Variants in TMX1 observed in about 807,000 individuals in gnomAD.
The protein encoded by TMX1 is thioredoxin related transmembrane protein 1, also known as thioredoxin-related transmembrane protein 1.
In TMX1, 25 loss-of-function variants were observed where a neutral mutation model predicts 36.6. That is an observed-to-expected ratio of 0.68 (90% confidence interval 0.50 to 0.95). The LOEUF is 0.95. Ranked by LOEUF, TMX1 falls within the 40% of genes least tolerant of loss-of-function variation. The probability of loss-of-function intolerance (pLI) is 0.00; values close to 1 mark genes in which losing one functional copy is unlikely to be tolerated. For missense variants in TMX1, 347 were observed against 339.6 expected (o/e 1.02, Z -0.17); for synonymous variants, 133 against 118.0 (o/e 1.13, Z -0.82).
chr14:51,243,363 C>T (rs2065770895), intron 1 of TMX1, among the ~76,000 whole-genome samples: 1 of 152,160 alleles, frequency 6.6e-6, no homozygotes, highest in African/African-American at 2.4e-5. Flanking sequence ...ATATGAATAG[C>T]CAGCCTTAGT....
intron 4 of TMX1, among the ~76,000 whole-genome samples, chr14:51,248,061 A>G (rs2065794858): frequency 6.6e-6 from 1 of 152,246 alleles, no homozygotes; most frequent in African/African-American, 2.4e-5. Flanking sequence ...TTATATGAAT[A>G]GTGTGTATAA....
intron 7 of TMX1, among the ~76,000 whole-genome samples, chr14:51,252,246 TATG>T (rs2065817438): frequency 9.1e-6 from 1 of 109,972 alleles, no homozygotes; most frequent in Non-Finnish European, 2.3e-5. Context: ...TGTCCTCTAT[TATG>T]ATCCACAGTA....
rs1170050641 is a variant in TMX1 at position 51,257,012 on chromosome 14, G to A, written c.*2493G>A. ...CTTGTTGCCCAGGCTGGAGTGCAATGGCATGATCTTGGCTCACTGCAACCT... is the reference window on the plus strand; with the variant it reads ...CTTGTTGCCCAGGCTGGAGTGCAATAGCATGATCTTGGCTCACTGCAACCT... On this transcript the variant is annotated 3_prime_UTR_variant, in exon 8 of 8. Transcript: ENST00000457354. 1 of 149,746 alleles carries A rather than the reference G, an allele frequency of 6.7e-6. No individual in the cohort carries two copies. The highest frequency in any genetic ancestry group is 1.5e-5 in the Non-Finnish European group (1 of 67,706). The allele number at this position is 149,746 out of a possible 1,614,324, so 9.3% of individuals were successfully genotyped here.
At chr14:51,247,605 C>T (rs891645188) in intron 4 of TMX1, among the ~76,000 whole-genome samples, 1 of 152,134 alleles carries the variant, frequency 6.6e-6, no homozygotes, top group East Asian at 1.9e-4. Flanking sequence ...GATTTGCCCA[C>T]CTCGGCCTCC....
At chr14:51,247,508 C>T (rs988709469) in intron 4 of TMX1, among the ~76,000 whole-genome samples, 2 of 151,624 alleles carry the variant, frequency 1.3e-5, no homozygotes, top group Admixed American at 1.3e-4. Flanking sequence ...AGGTGCCCAC[C>T]GCCACACGTG....
rs1476552770 is a variant in TMX1 at position 51,255,314 on chromosome 14, G to C, written c.*795G>C. 1 of 151,302 alleles carries C rather than the reference G, an allele frequency of 6.6e-6. No individual in the cohort carries two copies. The highest frequency in any genetic ancestry group is 1.5e-5 in the Non-Finnish European group (1 of 67,798). The allele number at this position is 151,302 out of a possible 1,614,324, so 9.4% of individuals were successfully genotyped here. ...AGTTTACTGAGAGATCCATCAAATT[G>C]AACAATCTGTTGTAATTTAAAATTT... On this transcript the variant is annotated 3_prime_UTR_variant, in exon 8 of 8. Coordinates refer to ENST00000457354, the MANE Select transcript of TMX1 (RefSeq NM_030755.5).
Position 51,243,929 on chromosome 14 carries a change from C to G in TMX1, c.226C>G (p.Leu76Val). The G allele has an allele frequency of 6.2e-7, 1 of 1,612,298 alleles. No homozygotes were observed. Among genetic ancestry groups the G allele is most frequent in the East Asian group, 2.2e-5 (1 of 44,818 alleles). Residue 76 changes from leucine (L) to valine (V), a missense_variant, in exon 2 of 8, where the codon CTT becomes GTT. Leu to Val is a conservative substitution (Grantham distance 32, BLOSUM62 1). Coordinates refer to ENST00000457354, the MANE Select transcript of TMX1 (RefSeq NM_030755.5). ...WESFAEWGED[L>V]EVNIAKVDVT... ...AAGTTTTGCTGAATGGGGAGAAGATCTTGAGGTTAATATTGCGAAAGTAGA... is the reference window on the plus strand; with the variant it reads ...AAGTTTTGCTGAATGGGGAGAAGATGTTGAGGTTAATATTGCGAAAGTAGA...
At position 51,256,235 on chromosome 14, in the gene TMX1, A is replaced by G. The variant is rs1049527036; in HGVS notation, c.*1716A>G. Reference sequence around the variant, plus strand: ...CATTAATCAAGCATTTTTTTTTTTTAGTGTTCTAGTATATGTGACATGGCC... The same window carrying G: ...CATTAATCAAGCATTTTTTTTTTTTGGTGTTCTAGTATATGTGACATGGCC... On this transcript the variant is annotated 3_prime_UTR_variant, in exon 8 of 8. Transcript: ENST00000457354. The G allele has an allele frequency of 6.7e-6, 1 of 149,436 alleles. No individual in the cohort carries two copies. Among genetic ancestry groups the G allele is most frequent in the Admixed American group, 6.6e-5 (1 of 15,082 alleles). The allele number at this position is 149,436 out of a possible 1,614,324, so 9.3% of individuals were successfully genotyped here. A position where few individuals can be genotyped will look rare whatever the true frequency, so the allele number is the denominator to read the frequency against.
intron 3 of TMX1, among the ~76,000 whole-genome samples, chr14:51,246,251 T>G (rs2065785168): frequency 6.6e-6 from 1 of 152,180 alleles, no homozygotes; most frequent in Admixed American, 6.5e-5. Flanking sequence ...TGACCTTATT[T>G]GGAATTTCCT....
chr14:51,256,836 G>A lies in TMX1; in HGVS notation c.*2317G>A, dbSNP rs1400647583. ...CTTTCAGGTGAGTCAGCCCAGAGGT[G>A]TGGTACAAATAGGTAAAATTTGAAT... is the stretch of plus-strand genomic sequence containing the variant. On this transcript the variant is annotated 3_prime_UTR_variant, in exon 8 of 8. Coordinates refer to ENST00000457354, the MANE Select transcript of TMX1 (RefSeq NM_030755.5). 1 of 152,166 alleles carries A rather than the reference G, an allele frequency of 6.6e-6. No individual in the cohort carries two copies. The highest frequency in any genetic ancestry group is 2.4e-5 in the African/African-American group (1 of 41,420). The allele number at this position is 152,166 out of a possible 1,614,324, so 9.4% of individuals were successfully genotyped here.
intron 4 of TMX1, among the ~76,000 whole-genome samples, chr14:51,248,795 A>G (rs74052456): frequency 0.033 from 5,058 of 152,306 alleles, 266 homozygotes; most frequent in African/African-American, 0.11. Flanking sequence ...ATGACTTAGC[A>G]TTTATTTCCT....
In TMX1 at chr14:51,241,400, A is replaced by C. The variant is rs1183539884; in HGVS notation, c.152+956A>C. Among the ~76,000 whole-genome samples the C allele has an allele frequency of 2.0e-5, 3 of 152,214 alleles. No homozygotes were observed. In the East Asian group the frequency reaches 5.8e-4, roughly 29 times the overall value. ...GGACACCACTAAGCACCTTTACACG[A>C]ATACCATATTTAATTCCCTACAAAT... On this transcript the variant is annotated intron_variant, in intron 1 of 7. Transcript: ENST00000457354.
intron 7 of TMX1, among the ~76,000 whole-genome samples, chr14:51,251,328 T>C (rs2065812030): frequency 6.6e-6 from 1 of 152,216 alleles, no homozygotes; most frequent in African/African-American, 2.4e-5. Flanking sequence ...TGTATTAATG[T>C]ATTTCAACTT....
At chr14:51,242,712 G>A (rs2065767435) in intron 1 of TMX1, among the ~76,000 whole-genome samples, 1 of 152,144 alleles carries the variant, frequency 6.6e-6, no homozygotes, top group Non-Finnish European at 1.5e-5. Context: ...GGGAGGTTGA[G>A]GTTGCAGTGA....
intron 1 of TMX1, 130 bp from the exon 2 acceptor site, chr14:51,243,726 C>A: frequency 4.9e-6 from 3 of 614,090 alleles, no homozygotes; most frequent in Non-Finnish European, 7.6e-6. Context: ...ATAAAATTAA[C>A]CACCTTATCA....
In TMX1 at chr14:51,247,192, T is replaced by C; in HGVS notation, c.415T>C (p.Ser139Pro). 1 of 1,613,674 alleles carries C rather than the reference T, an allele frequency of 6.2e-7. No individual in the cohort carries two copies. The highest frequency in any genetic ancestry group is 8.5e-7 in the Non-Finnish European group (1 of 1,179,808). The change falls in exon 4 of 8, where the codon TCA (serine) becomes CCA (proline). Residue 139 changes from serine (S) to proline (P), a missense_variant. By Grantham distance (74) the Ser-to-Pro change is moderately conservative. Coordinates refer to ENST00000457354, the MANE Select transcript of TMX1 (RefSeq NM_030755.5). ...AGAGTGGAAGAGTATTGAGCCCGTT[T>C]CATCATGGTTTGGTCCAGGTTCTGT... ...DKEWKSIEPV[S>P]SWFGPGSVLM...
chr14:51,252,128 C>G (rs573256054), intron 7 of TMX1, among the ~76,000 whole-genome samples: 2 of 151,676 alleles, frequency 1.3e-5, no homozygotes, highest in East Asian at 3.9e-4. Flanking sequence ...AAGGAAATGA[C>G]AGAGATAATA....
At chr14:51,250,342 C>T (rs7350715) in intron 7 of TMX1, among the ~76,000 whole-genome samples, 2 of 152,178 alleles carry the variant, frequency 1.3e-5, no homozygotes, top group South Asian at 4.1e-4. Context: ...CTCTTCAGCA[C>T]CTCTGTAGTA....
intron 5 of TMX1, 23 bp downstream of exon 5, chr14:51,249,394 C>T (rs1399875339): frequency 6.3e-7 from 1 of 1,599,762 alleles, no homozygotes; most frequent in Non-Finnish European, 8.5e-7. Context: ...ATATTTTTAT[C>T]TTAAACATTT....
Sources: allele counts gnomAD v4.1 joint callset (sites outside exome capture counted in the v4.1 genomes callset), GRCh38; gene constraint gnomAD v4.1.1; transcripts MANE v1.5; gene names NCBI Gene and HGNC (gene_info 2026-07-23, HGNC 2026-07-21).